The following ANKRD6 variants were observed in gnomAD, a reference collection of about 807,000 sequenced individuals.
ANKRD6 encodes ankyrin repeat domain 6, also known as ankyrin repeat domain-containing protein 6.
In ANKRD6, 56 loss-of-function variants were observed where a neutral mutation model predicts 82.3. That is an observed-to-expected ratio of 0.68 (90% confidence interval 0.55 to 0.85). The LOEUF (loss-of-function observed/expected upper bound fraction) is 0.85, where lower values mean the gene tolerates loss of function less well. Ranked by LOEUF, ANKRD6 falls within the 40% of genes least tolerant of loss-of-function variation. ANKRD6 has a pLI of 0.00. For synonymous variants in ANKRD6, 347 were observed against 352.1 expected, an observed-to-expected ratio of 0.99 and a Z score of 0.16; for missense variants, 852 against 907.6, an observed-to-expected ratio of 0.94 and a Z score of 0.79.
chr6:89,627,476 A>G (rs1806106545), intron 13 of ANKRD6, 107 bp from the exon 14 acceptor site: 1 of 821,640 alleles, frequency 1.2e-6, no homozygotes, highest in East Asian at 2.6e-5. Flanking sequence ...TGAAGTTTGC[A>G]TGCAGGGGCT....
At chr6:89,460,101 C>G (rs924307561) in intron 1 of ANKRD6, among the ~76,000 whole-genome samples, 1 of 149,530 alleles carries the variant, frequency 6.7e-6, no homozygotes, top group Non-Finnish European at 1.5e-5. Context: ...CTCATGTTTC[C>G]AAACTGAGTA....
At chr6:89,492,530 C>T (rs1355725251) in intron 1 of ANKRD6, among the ~76,000 whole-genome samples, 5 of 152,192 alleles carry the variant, frequency 3.3e-5, no homozygotes, top group East Asian at 3.8e-4. Flanking sequence ...AAGACAACCA[C>T]GCACACCCCA....
At chr6:89,439,727 C>G (rs576222635) in intron 1 of ANKRD6, among the ~76,000 whole-genome samples, 41 of 152,268 alleles carry the variant, frequency 2.7e-4, no homozygotes, top group Middle Eastern at 3.4e-3. Flanking sequence ...GAGACAGGGT[C>G]TCATTCTGTC....
chr6:89,598,500 G>A, intron 3 of ANKRD6: 1 of 887,756 alleles, frequency 1.1e-6, no homozygotes, highest in Non-Finnish European at 1.3e-6. Context: ...TGTGCCACAT[G>A]GGGGTGTTTC....
In ANKRD6 at chr6:89,614,281, G is replaced by A. The variant is rs1230290775; in HGVS notation, c.615+391G>A. ...GTACTTTGGGAAGCCAAGGCAGGAG[G>A]ATCACTTGAGGCTAGGAGTTCAAGA... On this transcript the variant is annotated intron_variant, in intron 7 of 15. Coordinates refer to ENST00000339746, the MANE Select transcript of ANKRD6 (RefSeq NM_001242809.2). Among the ~76,000 whole-genome samples, 9 of 152,144 alleles carry A rather than the reference G, an allele frequency of 5.9e-5. No homozygotes were observed. The East Asian group carries it at 1.7e-3, about 29-fold the overall frequency.
At chr6:89,547,516 T>C (rs1393066167) in intron 1 of ANKRD6, among the ~76,000 whole-genome samples, 2 of 152,156 alleles carry the variant, frequency 1.3e-5, no homozygotes, top group Non-Finnish European at 2.9e-5. Flanking sequence ...CCTGCCCTGC[T>C]CAGCTAACTC....
chr6:89,538,989 A>ATTAT (rs978116565), intron 1 of ANKRD6, among the ~76,000 whole-genome samples: 5 of 152,164 alleles, frequency 3.3e-5, no homozygotes, highest in African/African-American at 9.7e-5. Context: ...TCTACATGTG[A>ATTAT]TTATACCTAG....
intron 2 of ANKRD6, among the ~76,000 whole-genome samples, chr6:89,594,769 G>A (rs1044819571): frequency 6.6e-5 from 10 of 152,116 alleles, no homozygotes; most frequent in Admixed American, 5.9e-4. Flanking sequence ...TTAAGGCAGG[G>A]TCTTGCTCTG....
At chr6:89,523,458 T>C (rs1054051469) in intron 1 of ANKRD6, among the ~76,000 whole-genome samples, 1 of 152,232 alleles carries the variant, frequency 6.6e-6, no homozygotes, top group African/African-American at 2.4e-5. Flanking sequence ...CAGTGAACTT[T>C]TTCTAAGAAT....
chr6:89,495,116 C>T lies in ANKRD6; in HGVS notation c.-144+61741C>T, dbSNP rs933072636. ...GGGCGTGGTGGCAGGCGCCTGTAGTCCCAGTTACTCGGGAGGCTGAGGCAG... is the reference window on the plus strand; with the variant it reads ...GGGCGTGGTGGCAGGCGCCTGTAGTTCCAGTTACTCGGGAGGCTGAGGCAG... On this transcript the variant is annotated intron_variant, in intron 1 of 15. Coordinates refer to ENST00000339746, the MANE Select transcript of ANKRD6 (RefSeq NM_001242809.2). Among the ~76,000 whole-genome samples, 27 of 152,178 alleles carry T rather than the reference C, an allele frequency of 1.8e-4. 1 individual carries two copies. Among genetic ancestry groups the T allele is most frequent in the Admixed American group, 1.4e-3 (21 of 15,276 alleles).
intron 2 of ANKRD6, among the ~76,000 whole-genome samples, chr6:89,585,806 G>C (rs537660449): frequency 6.6e-6 from 1 of 152,314 alleles, no homozygotes; most frequent in South Asian, 2.1e-4. Flanking sequence ...TACTCAGGAG[G>C]CTGAGGCAGA....
chr6:89,612,244 G>A (rs757891765), intron 5 of ANKRD6, 28 bp from the exon 6 acceptor site: 1 of 1,544,748 alleles, frequency 6.5e-7, no homozygotes, highest in Admixed American at 2.0e-5. Context: ...TTGCTAATAT[G>A]TCCTCCCTCT....
intron 1 of ANKRD6, among the ~76,000 whole-genome samples, chr6:89,474,936 A>G (rs1207468810): frequency 6.6e-6 from 1 of 152,106 alleles, no homozygotes; most frequent in African/African-American, 2.4e-5. Flanking sequence ...GACAGTGCGA[A>G]ATCTAGTGTT....
intron 2 of ANKRD6, among the ~76,000 whole-genome samples, chr6:89,575,299 T>TGG (rs2023990129): frequency 6.6e-6 from 1 of 152,126 alleles, no homozygotes; most frequent in African/African-American, 2.4e-5. Context: ...TGACCTGCCT[T>TGG]GGGGGAAGAG....
intron 2 of ANKRD6, 106 bp downstream of exon 2, chr6:89,567,202 C>T: frequency 7.0e-7 from 1 of 1,435,390 alleles, no homozygotes; most frequent in South Asian, 1.4e-5. Flanking sequence ...AAAGAACTGG[C>T]TTTTCTTCCA....
chr6:89,465,761 G>A (rs1277789855), intron 1 of ANKRD6, among the ~76,000 whole-genome samples: 1 of 152,068 alleles, frequency 6.6e-6, no homozygotes, highest in East Asian at 1.9e-4. Flanking sequence ...TGCTTGGGAG[G>A]CTGAGGTAGG....
chr6:89,623,528 G>GA lies in ANKRD6; in HGVS notation c.1019dup (p.Ser341ValfsTer10). ...CCCAGAGCAAAGGATGACAGGAGGA[G>GA]AAAGTCAAGGCCCAAGGTCAGGAGA... On this transcript the variant is annotated frameshift_variant, in exon 11 of 16. Coordinates refer to ENST00000339746, the MANE Select transcript of ANKRD6 (RefSeq NM_001242809.2). LOFTEE classifies it high-confidence loss of function. 6.3e-7 allele frequency: 1 copy of GA among 1,585,260 alleles called. No individual in the cohort carries two copies. Among genetic ancestry groups the GA allele is most frequent in the Non-Finnish European group, 8.6e-7 (1 of 1,165,714 alleles).
chr6:89,593,533 A>C (rs901880375), intron 2 of ANKRD6, among the ~76,000 whole-genome samples: 1 of 152,118 alleles, frequency 6.6e-6, no homozygotes, highest in Non-Finnish European at 1.5e-5. Context: ...GTAAGCTCTG[A>C]CCTCTTTCCA....
At chr6:89,575,525 G>A (rs940224649) in intron 2 of ANKRD6, among the ~76,000 whole-genome samples, 5 of 152,002 alleles carry the variant, frequency 3.3e-5, no homozygotes, top group Non-Finnish European at 7.4e-5. Context: ...CATATTCCTT[G>A]GCACCTGACA....
Sources: gnomAD v4.1 joint callset for allele counts (sites outside exome capture counted in the v4.1 genomes callset) on GRCh38, gnomAD v4.1.1 for gene constraint, MANE v1.5 for transcripts, NCBI Gene and HGNC (gene_info 2026-07-23, HGNC 2026-07-21) for gene names.